ARMCX4: variants seen among roughly 807,000 people sequenced by gnomAD.
ARMCX4 encodes the protein armadillo repeat-containing X-linked protein 4.
ARMCX4 carries 3 observed loss-of-function variants against 34.7 expected under a neutral mutation model. The ratio of observed to expected loss-of-function variants is 0.09; its 90% CI spans 0.04 to 0.22. The LOEUF (loss-of-function observed/expected upper bound fraction) is 0.22, where lower values mean the gene tolerates loss of function less well. Ranked by LOEUF, ARMCX4 falls within the 10% of genes least tolerant of loss-of-function variation. The pLI, the probability that ARMCX4 is intolerant of heterozygous loss-of-function variation, is 1.00. For synonymous variants in ARMCX4, 513 were observed against 632.8 expected, an observed-to-expected ratio of 0.81 and a Z score of 2.84; for missense variants, 1,448 against 1,720.8, an observed-to-expected ratio of 0.84 and a Z score of 2.81.
intron 2 of ARMCX4, among the ~76,000 whole-genome samples, chrX:101,432,959 CAT>C (rs782719517): frequency 0.021 from 1,178 of 54,980 alleles, 20 homozygotes; most frequent in Middle Eastern, 0.056. Flanking sequence ...CACATGTATA[CAT>C]ATGTGTATAT....
chrX:101,529,145 A>G (rs1935058388), intron 11 of ARMCX4, among the ~76,000 whole-genome samples: 1 of 111,431 alleles, frequency 9.0e-6, no homozygotes, highest in Non-Finnish European at 1.9e-5. Context: ...GATATAGACC[A>G]ATGGAACAGA....
intron 4 of ARMCX4, among the ~76,000 whole-genome samples, chrX:101,462,356 T>C (rs782708734): frequency 5.4e-5 from 6 of 110,964 alleles, no homozygotes; most frequent in East Asian, 2.8e-4. Flanking sequence ...AGATAAAAAT[T>C]TGTAGGCCGG....
At chrX:101,528,502 GAAAT>G (rs1935037920) in intron 11 of ARMCX4, among the ~76,000 whole-genome samples, 1 of 111,347 alleles carries the variant, frequency 9.0e-6, no homozygotes, top group Non-Finnish European at 1.9e-5. Context: ...GCAGGAGAAA[GAAAT>G]AAAGTGTATT....
intron 2 of ARMCX4, among the ~76,000 whole-genome samples, chrX:101,439,028 T>G (rs1361544893): frequency 1.1e-4 from 12 of 112,141 alleles, no homozygotes; most frequent in African/African-American, 1.6e-4. Context: ...GTTAGCTGGT[T>G]ATTTTGCTCG....
At chrX:101,526,911 T>C (rs1934988501) in intron 11 of ARMCX4, among the ~76,000 whole-genome samples, 1 of 111,403 alleles carries the variant, frequency 9.0e-6, no homozygotes, top group African/African-American at 3.3e-5. Context: ...CTGTCAACAT[T>C]AGATAGATCA....
At chrX:101,504,528 G>C (rs1228692451) in intron 7 of ARMCX4, among the ~76,000 whole-genome samples, 1 of 110,850 alleles carries the variant, frequency 9.0e-6, no homozygotes, top group Non-Finnish European at 1.9e-5. Flanking sequence ...TTCTGGCTCA[G>C]TCCTAAGAGC....
chrX:101,432,849 T>C (rs1355484019), intron 2 of ARMCX4, among the ~76,000 whole-genome samples: 1 of 98,886 alleles, frequency 1.0e-5, no homozygotes, highest in Non-Finnish European at 2.1e-5. Context: ...TATACATATG[T>C]GTATATATAC....
At position 101,489,581 on chromosome X, in the gene ARMCX4, A is replaced by G. The variant is rs1933887026; in HGVS notation, c.992A>G (p.Glu331Gly). The G allele has an allele frequency of 8.7e-7, 1 of 1,153,110 alleles. No individual in the cohort carries two copies. Among genetic ancestry groups the G allele is most frequent in the Non-Finnish European group, 1.1e-6 (1 of 872,207 alleles). The change falls in exon 6 of 6, where the codon GAG becomes GGG. Residue 331 changes from glutamate to glycine, a missense_variant. Physicochemically the swap from Glu to Gly is moderately conservative, Grantham distance 98. This residue lies in a region of ARMCX4 where 1,343 missense variants were observed against 1,540.7 expected (regional missense o/e 0.87). Coordinates refer to ENST00000423738, the MANE Select transcript of ARMCX4 (RefSeq NM_001256155.3). ...CAAATTTTTGCCAAAACCCAGACTGAGGCCATTCCTGGGGCAAAGATTGAT... is the reference window on the plus strand; with the variant it reads ...CAAATTTTTGCCAAAACCCAGACTGGGGCCATTCCTGGGGCAAAGATTGAT... ...QPQIFAKTQT[E>G]AIPGAKIDAG...
chrX:101,511,758 T>C (rs146619743), intron 11 of ARMCX4, among the ~76,000 whole-genome samples: 34 of 111,088 alleles, frequency 3.1e-4, no homozygotes, highest in Middle Eastern at 4.6e-3. Context: ...CTGTAGGTAC[T>C]TTTTATTAGG....
intron 4 of ARMCX4, among the ~76,000 whole-genome samples, chrX:101,467,096 G>C (rs1303233287): frequency 3.6e-5 from 4 of 111,499 alleles, no homozygotes; most frequent in Admixed American, 1.9e-4. Flanking sequence ...ATTATATATA[G>C]AGAAATACAC....
rs1228363085 is a variant in ARMCX4 at position 101,494,700 on chromosome X, T to C, written c.6111T>C (p.Asn2037=). The C allele has an allele frequency of 4.3e-6, 5 of 1,153,914 alleles. No homozygotes were observed. The Admixed American group carries it at 1.3e-4, about 30-fold the overall frequency. The change falls in exon 6 of 6, where the codon AAT becomes AAC. Residue 2037 remains asparagine, a synonymous_variant. Transcript: ENST00000423738. ...PWSCRCKHEA[N]MDPRDLEKLI... is the part of the protein sequence containing the mutation. ...CTTGCCGCTGTAAACACGAAGCTAA[T>C]ATGGATCCACGAGATCTTGAAAAAC...
intron 2 of ARMCX4, among the ~76,000 whole-genome samples, chrX:101,434,822 G>T (rs1220236276): frequency 1.1e-5 from 1 of 94,841 alleles, no homozygotes; most frequent in Non-Finnish European, 2.0e-5. Flanking sequence ...GGTGTGTGAT[G>T]TTCCCCTTCC....
chrX:101,429,410 A>G (rs1929852900), intron 2 of ARMCX4, among the ~76,000 whole-genome samples: 1 of 96,555 alleles, frequency 1.0e-5, no homozygotes, highest in Non-Finnish European at 2.0e-5. Context: ...ATCTTGGCTC[A>G]CTGCAACCTT....
chrX:101,444,827 T>TTA (rs1555997691), intron 3 of ARMCX4, among the ~76,000 whole-genome samples: 4 of 107,918 alleles, frequency 3.7e-5, no homozygotes, highest in Non-Finnish European at 7.7e-5. Context: ...AGTTGCCATT[T>TTA]TGTGTGTGTG....
rs1556007953 is a variant in ARMCX4 at position 101,489,489 on chromosome X, C to T, written c.900C>T (p.Asp300=). The T allele has an allele frequency of 2.6e-6, 3 of 1,153,400 alleles. No homozygotes were observed. The Admixed American group carries it at 7.8e-5, about 30-fold the overall frequency. ...ACATGCCTGGTACTGGGGTTGAGGA[C>T]ATGGGGAATTGTAAAACCATGTCTA... The part of the protein sequence containing the change: ...GDDMPGTGVE[D]MGNCKTMSRA... The change falls in exon 6 of 6, where the codon GAC becomes GAT. Residue 300 remains aspartate (D), a synonymous_variant. Coordinates refer to ENST00000423738, the MANE Select transcript of ARMCX4 (RefSeq NM_001256155.3).
intron 4 of ARMCX4, among the ~76,000 whole-genome samples, chrX:101,471,160 A>T (rs1279509710): frequency 8.9e-6 from 1 of 111,981 alleles, no homozygotes; most frequent in Non-Finnish European, 1.9e-5. Context: ...TTTATTGTTG[A>T]TTTGTAGGAG....
chrX:101,480,983 C>T (rs1233059276), upstream of ARMCX4, among the ~76,000 whole-genome samples: 1 of 111,139 alleles, frequency 9.0e-6, no homozygotes, highest in African/African-American at 3.3e-5. Context: ...ATTAGCTGGG[C>T]GTGGTGGCAT....
chrX:101,467,672 G>C (rs1932817911), intron 4 of ARMCX4, among the ~76,000 whole-genome samples: 1 of 111,683 alleles, frequency 9.0e-6, no homozygotes, highest in South Asian at 3.7e-4. Context: ...CATGGTGGGG[G>C]GGGGACGGTG....
downstream of ARMCX4, among the ~76,000 whole-genome samples, chrX:101,448,090 C>T (rs1000264757): frequency 1.8e-5 from 2 of 111,445 alleles, no homozygotes; most frequent in African/African-American, 6.5e-5. Context: ...TGAGAACATG[C>T]GATATTTGTT....
Sources: gnomAD v4.1 joint callset for allele counts (sites outside exome capture counted in the v4.1 genomes callset) on GRCh38, gnomAD v4.1.1 for gene constraint, gnomAD v4.1.1 regional missense constraint, MANE v1.5 for transcripts, NCBI Gene and HGNC (gene_info 2026-07-23, HGNC 2026-07-21) for gene names.